MDGA2: variants seen among roughly 807,000 people sequenced by gnomAD.
MDGA2 encodes MAM domain containing glycosylphosphatidylinositol anchor 2, also known as MAM domain-containing glycosylphosphatidylinositol anchor protein 2.
Under a neutral mutation model 117.8 loss-of-function variants are expected in MDGA2, and 40 were observed. That is an observed-to-expected ratio of 0.34 (90% CI 0.26 to 0.44). MDGA2 has a LOEUF of 0.44. Among genes scored for constraint, MDGA2 ranks in the 20% least tolerant of loss-of-function variants. The pLI is 1.00. For synonymous variants in MDGA2, 452 were observed against 439.0 expected (o/e 1.03, Z -0.37); for missense variants, 1,123 against 1,250.6 (o/e 0.90, Z 1.54).
chr14:47,486,916 G>GA (rs1894073337), intron 1 of MDGA2, among the ~76,000 whole-genome samples: 1 of 152,122 alleles, frequency 6.6e-6, no homozygotes, highest in Admixed American at 6.5e-5. Context: ...GCAGCAGCGT[G>GA]AAAAAAGACT....
chr14:47,285,518 T>C (rs985239888), intron 2 of MDGA2, among the ~76,000 whole-genome samples: 4 of 152,138 alleles, frequency 2.6e-5, no homozygotes, highest in African/African-American at 4.8e-5. Flanking sequence ...CCATTACATC[T>C]GTACTTTAAA....
intron 1 of MDGA2, among the ~76,000 whole-genome samples, chr14:47,364,053 C>T (rs983312546): frequency 2.0e-5 from 3 of 151,844 alleles, no homozygotes; most frequent in Non-Finnish European, 4.4e-5. Context: ...AGGACCTACA[C>T]CAAATTACAT....
intron 4 of MDGA2, among the ~76,000 whole-genome samples, chr14:47,139,101 A>G (rs984392283): frequency 6.6e-6 from 1 of 152,140 alleles, no homozygotes; most frequent in African/African-American, 2.4e-5. Context: ...TAAAAACAAG[A>G]CATTATTATT....
At chr14:47,513,142 C>T (rs1216479360) in intron 1 of MDGA2, among the ~76,000 whole-genome samples, 1 of 152,022 alleles carries the variant, frequency 6.6e-6, no homozygotes, top group Non-Finnish European at 1.5e-5. Context: ...GTTTCTTATA[C>T]AGCAGTGTTA....
chr14:47,335,755 T>TACATACAG (rs1890436559), intron 1 of MDGA2, among the ~76,000 whole-genome samples: 1 of 143,950 alleles, frequency 6.9e-6, no homozygotes, highest in African/African-American at 2.6e-5. Context: ...TATACATACA[T>TACATACAG]ACATACAGGA....
chr14:47,561,141 G>GTTTGT lies in MDGA2; in HGVS notation c.280+113375_280+113376insACAAA, dbSNP rs1555332241. Among the ~76,000 whole-genome samples the GTTTGT allele has an allele frequency of 2.5e-4, 13 of 52,148 alleles. 1 individual carries two copies. The East Asian group carries it at 0.012, about 49-fold the overall frequency. The allele number at this position is 52,148 out of a possible 152,430, so 34.2% of individuals were successfully genotyped here. ...AGGCTAGCATGATACCTCTATCTTTGTTTTTTTTTTTGTTTTGTTTTGTTT... is the reference window on the plus strand; with the variant it reads ...AGGCTAGCATGATACCTCTATCTTTGTTTGTTTTTTTTTTTTGTTTTGTTTTGTTT... On this transcript the variant is annotated intron_variant, in intron 1 of 16. Transcript: ENST00000399232.
chr14:47,430,017 G>A (rs531613540), intron 1 of MDGA2, among the ~76,000 whole-genome samples: 1 of 149,974 alleles, frequency 6.7e-6, no homozygotes, highest in African/African-American at 2.5e-5. Flanking sequence ...AAGAGAGGAG[G>A]ACAGTGTCTC....
chr14:47,196,700 T>C (rs1020760744), intron 3 of MDGA2, among the ~76,000 whole-genome samples: 2 of 152,222 alleles, frequency 1.3e-5, no homozygotes, highest in Non-Finnish European at 2.9e-5. Flanking sequence ...AAGGAATATG[T>C]GTAAGTTTGT....
In MDGA2 at chr14:46,920,086, A is replaced by C; in HGVS notation, c.2164T>G (p.Tyr722Asp). ...VWQNRHRVYS[Y>D]SLQWTQMNPD... Reference sequence around the variant, plus strand: ...TTCATCTGTGTCCACTGTAGACTGTAAGAATAAACACGGTGTCTGTTCTGC... The same window carrying C: ...TTCATCTGTGTCCACTGTAGACTGTCAGAATAAACACGGTGTCTGTTCTGC... Residue 722 changes from tyrosine to aspartate, a missense_variant, in exon 10 of 17, where the codon TAC (tyrosine) becomes GAC (aspartate). By Grantham distance (160) the Tyr-to-Asp change is radical. This residue lies in a region of MDGA2 where 890 missense variants were observed against 1,050.3 expected (regional missense o/e 0.85). Transcript: ENST00000399232. The C allele has an allele frequency of 6.2e-7, 1 of 1,612,014 alleles. No individual in the cohort carries two copies. The highest frequency in any genetic ancestry group is 1.1e-5 in the South Asian group (1 of 90,392).
chr14:47,428,509 T>C (rs897397055), intron 1 of MDGA2, among the ~76,000 whole-genome samples: 1 of 152,142 alleles, frequency 6.6e-6, no homozygotes, highest in Non-Finnish European at 1.5e-5. Context: ...AATGTGCTAC[T>C]GTTTCACAAT....
At chr14:47,248,028 T>G (rs1026299093) in intron 2 of MDGA2, among the ~76,000 whole-genome samples, 33 of 151,632 alleles carry the variant, frequency 2.2e-4, no homozygotes, top group Non-Finnish European at 4.4e-5. Flanking sequence ...TGCCACATTT[T>G]CTTTATCCAG....
At chr14:47,649,219 A>C (rs2138265153) in intron 1 of MDGA2, among the ~76,000 whole-genome samples, 1 of 152,274 alleles carries the variant, frequency 6.6e-6, no homozygotes, top group East Asian at 1.9e-4. Flanking sequence ...GCAACTTACT[A>C]CTGGAAAACT....
intron 1 of MDGA2, among the ~76,000 whole-genome samples, chr14:47,314,736 T>C (rs539620890): frequency 6.6e-6 from 1 of 152,070 alleles, no homozygotes; most frequent in Admixed American, 6.6e-5. Flanking sequence ...ACAAGTATAA[T>C]CATTAAAGTG....
At chr14:46,878,601 G>C (rs1287247255) in intron 11 of MDGA2, among the ~76,000 whole-genome samples, 1 of 151,922 alleles carries the variant, frequency 6.6e-6, no homozygotes, top group African/African-American at 2.4e-5. Flanking sequence ...ACATACAGAA[G>C]ACAATTCCCA....
intron 1 of MDGA2, among the ~76,000 whole-genome samples, chr14:47,346,036 A>T (rs983483625): frequency 1.1e-4 from 17 of 152,040 alleles, no homozygotes; most frequent in Admixed American, 3.3e-4. Flanking sequence ...CCGTAAAATG[A>T]CTATAGTTAA....
At chr14:47,387,215 T>C (rs1891780276) in intron 1 of MDGA2, among the ~76,000 whole-genome samples, 1 of 152,038 alleles carries the variant, frequency 6.6e-6, no homozygotes. Flanking sequence ...GCCAAATCGG[T>C]TCTACAATCA....
chr14:47,396,112 A>T (rs1279966393), intron 1 of MDGA2, among the ~76,000 whole-genome samples: 1 of 152,162 alleles, frequency 6.6e-6, no homozygotes, highest in East Asian at 1.9e-4. Context: ...TTCAATAACA[A>T]ACTTAGCCTG....
At chr14:47,626,376 T>A (rs1183190) in intron 1 of MDGA2, 152,207 of 152,938 alleles carry the variant, frequency 1, 75,745 homozygotes, top group East Asian at 1. Context: ...CGCTACACTG[T>A]GAGGTGACAG....
chr14:47,383,857 C>T (rs909456451), intron 1 of MDGA2, among the ~76,000 whole-genome samples: 2 of 152,040 alleles, frequency 1.3e-5, no homozygotes, highest in Non-Finnish European at 2.9e-5. Context: ...ACAAAGCACT[C>T]TAATTGTGAA....
Sources: gnomAD v4.1 joint callset for allele counts (sites outside exome capture counted in the v4.1 genomes callset) on GRCh38, gnomAD v4.1.1 for gene constraint, gnomAD v4.1.1 regional missense constraint, MANE v1.5 for transcripts, NCBI Gene and HGNC (gene_info 2026-07-23, HGNC 2026-07-21) for gene names.